Variants in NCOR1 observed in about 807,000 individuals in gnomAD.
NCOR1 encodes nuclear receptor corepressor 1, also known as protein phosphatase 1, regulatory subunit 109.
Under a neutral mutation model 288.1 loss-of-function variants are expected in NCOR1, and 63 were observed. The observed-to-expected ratio is 0.22, with a 90% CI of 0.18 to 0.27. The LOEUF (loss-of-function observed/expected upper bound fraction) is 0.27, where lower values mean the gene tolerates loss of function less well. Among genes scored for constraint, NCOR1 ranks in the 10% least tolerant of loss-of-function variants. The probability of loss-of-function intolerance (pLI) is 1.00; values close to 1 mark genes in which losing one functional copy is unlikely to be tolerated. For synonymous variants in NCOR1, 1,007 were observed against 1,065.9 expected (o/e 0.94, Z 1.08); for missense variants, 2,397 against 3,019.2 (o/e 0.79, Z 4.83).
intron 3 of NCOR1, among the ~76,000 whole-genome samples, chr17:16,176,457 C>G (rs2153481319): frequency 6.6e-6 from 1 of 152,036 alleles, no homozygotes; most frequent in East Asian, 2.0e-4. Flanking sequence ...TTAGTAGAGA[C>G]AGGGTTTCGC....
At chr17:16,158,635 T>C in intron 6 of NCOR1, 125 bp downstream of exon 6, 1 of 543,918 alleles carries the variant, frequency 1.8e-6, no homozygotes. Flanking sequence ...TTTATGAACA[T>C]TCAAAATTGT....
chr17:16,164,296 A>C (rs1487856132), intron 5 of NCOR1, among the ~76,000 whole-genome samples: 1 of 152,018 alleles, frequency 6.6e-6, no homozygotes, highest in Admixed American at 6.6e-5. Context: ...TAGAGTGAAT[A>C]CTGGGCTAAA....
intron 14 of NCOR1, among the ~76,000 whole-genome samples, chr17:16,127,282 C>T (rs556030483): frequency 0.095 from 2,410 of 25,314 alleles, 803 homozygotes; most frequent in African/African-American, 0.14. Flanking sequence ...TGTATATATA[C>T]GTGTATATAT....
At chr17:16,190,322 C>T (rs989675873) in intron 2 of NCOR1, among the ~76,000 whole-genome samples, 4 of 152,078 alleles carry the variant, frequency 2.6e-5, no homozygotes, top group Non-Finnish European at 4.4e-5. Flanking sequence ...ATACCAACCA[C>T]AGACGCTCTC....
At chr17:16,138,264 T>C (rs745720309) in intron 12 of NCOR1, 52 bp from the exon 13 acceptor site, 9 of 1,160,632 alleles carry the variant, frequency 7.8e-6, no homozygotes, top group Non-Finnish European at 1.2e-6. Context: ...TTTCAACAAC[T>C]AAAAAAAAAA....
rs748489091 is a variant in NCOR1, at chr17:16,146,561, C to A, written c.910-13G>T. On this transcript the variant is annotated splice_polypyrimidine_tract_variant and intron_variant, in intron 9 of 45. Coordinates refer to ENST00000268712, the MANE Select transcript of NCOR1 (RefSeq NM_006311.4). ...AGATTTTTTGTTCCTATTAAATATC[C>A]GTAGCAAATTAATAATAATTAAACT... 1.3e-6 allele frequency: 2 copies of A among 1,562,308 alleles called. No homozygotes were observed. Among genetic ancestry groups the A allele is most frequent in the African/African-American group, 1.4e-5 (1 of 72,298 alleles).
chr17:16,195,470 C>CA (rs753774141), intron 1 of NCOR1, among the ~76,000 whole-genome samples: 51 of 115,206 alleles, frequency 4.4e-4, no homozygotes, highest in South Asian at 2.1e-3. Flanking sequence ...GACTCCGTCT[C>CA]AAAAAAAAAA....
In NCOR1 at chr17:16,068,054, T is replaced by C. The variant is rs1419935235; in HGVS notation, c.4581A>G (p.Glu1527=). 4 of 1,614,194 alleles carry C rather than the reference T, an allele frequency of 2.5e-6. No homozygotes were observed. In the South Asian group the frequency reaches 3.3e-5, roughly 13 times the overall value. ...RKSTLTPTQR[E]SIPAKSPVPG... is the part of the protein sequence containing the mutation. ...GCACTGGAGACTTCGCTGGGATACTTTCCCTCTGGGTAGGGGTCAGTGTCG... is the reference window on the plus strand; with the variant it reads ...GCACTGGAGACTTCGCTGGGATACTCTCCCTCTGGGTAGGGGTCAGTGTCG... Residue 1527 remains glutamate, a synonymous_variant, in exon 32 of 46, where the codon GAA becomes GAG. Transcript: ENST00000268712.
At chr17:16,184,417 T>C (rs990951451) in intron 3 of NCOR1, among the ~76,000 whole-genome samples, 6 of 152,204 alleles carry the variant, frequency 3.9e-5, no homozygotes, top group African/African-American at 1.4e-4. Flanking sequence ...TGAATAGACA[T>C]TTCTCAAAAG....
intron 32 of NCOR1, among the ~76,000 whole-genome samples, chr17:16,066,814 A>C (rs2061172872): frequency 6.6e-6 from 1 of 152,216 alleles, no homozygotes; most frequent in Non-Finnish European, 1.5e-5. Flanking sequence ...TTATTATGAA[A>C]TGTAAATAAC....
At chr17:16,114,817 C>T (rs1425607588) in intron 18 of NCOR1, among the ~76,000 whole-genome samples, 5 of 152,170 alleles carry the variant, frequency 3.3e-5, no homozygotes, top group Admixed American at 1.3e-4. Flanking sequence ...CACAGGGTAG[C>T]GTTGAGTGTC....
At position 16,050,174 on chromosome 17, in the gene NCOR1, A is replaced by G. The variant is rs144470268; in HGVS notation, c.6393-1186T>C. ...TGGGCTCAAGCAATCCTCCCACCTC[A>G]GCCTCCAAAAGTAATGGGAATTACA... On this transcript the variant is annotated intron_variant, in intron 40 of 45. Coordinates refer to ENST00000268712, the MANE Select transcript of NCOR1 (RefSeq NM_006311.4). Among the ~76,000 whole-genome samples, 929 of 151,578 alleles carry G rather than the reference A, an allele frequency of 6.1e-3. 7 individuals are homozygous for G. The highest frequency in any genetic ancestry group is 0.022 in the African/African-American group (902 of 41,326).
Position 16,151,946 on chromosome 17 carries a change from G to A in NCOR1, c.842C>T (p.Thr281Ile), listed in dbSNP as rs1446410092. The change falls in exon 8 of 46, where the codon ACA (threonine) becomes ATA (isoleucine). Residue 281 changes from threonine to isoleucine, a missense_variant and splice_region_variant. This residue lies in a region of NCOR1 where 76 missense variants were observed against 102.2 expected (regional missense o/e 0.74). Coordinates refer to ENST00000268712, the MANE Select transcript of NCOR1 (RefSeq NM_006311.4). ...AACTCCAAAGATGATCAATACTTAC[G>A]TCTTGATGTTCTCATGGTACACCTT... ...DTKVYHENIK[T>I]NQVMRKKLIL... The A allele has an allele frequency of 3.1e-6, 5 of 1,595,304 alleles. No homozygotes were observed. The highest frequency in any genetic ancestry group is 1.1e-5 in the South Asian group (1 of 87,964).
At chr17:16,034,665 G>T in intron 45 of NCOR1, 100 bp downstream of exon 45, 1 of 1,087,758 alleles carries the variant, frequency 9.2e-7, no homozygotes, top group Non-Finnish European at 1.3e-6. Flanking sequence ...GGGAATATAG[G>T]TTTCCAAATT....
At chr17:16,095,029 G>A (rs1172897353) in intron 21 of NCOR1, among the ~76,000 whole-genome samples, 6 of 140,548 alleles carry the variant, frequency 4.3e-5, no homozygotes, top group Admixed American at 2.9e-4. Context: ...GCCGCCCACC[G>A]TCTGGGATGT....
chr17:16,195,111 G>A (rs1017878211), intron 1 of NCOR1, among the ~76,000 whole-genome samples: 1 of 152,188 alleles, frequency 6.6e-6, no homozygotes, highest in Non-Finnish European at 1.5e-5. Flanking sequence ...TGTAATCACA[G>A]ATGGTAGGTA....
In NCOR1 at chr17:16,034,904, G is replaced by A. The variant is rs1409742636; in HGVS notation, c.6996C>T (p.Ser2332=). ...CKPKLISKSN[S]RKSKSPIPGQ... ...CAGGTATAGGAGACTTAGATTTCCT[G>A]CTGTTTGACTTGCTGATCAGCTTTG... is the stretch of plus-strand genomic sequence containing the variant. Residue 2332 remains serine (S), a synonymous_variant, in exon 45 of 46, where the codon AGC becomes AGT. Coordinates refer to ENST00000268712, the MANE Select transcript of NCOR1 (RefSeq NM_006311.4). The A allele has an allele frequency of 6.2e-7, 1 of 1,613,962 alleles. No homozygotes were observed. The highest frequency in any genetic ancestry group is 1.3e-5 in the African/African-American group (1 of 74,874).
At chr17:16,186,758 T>C in intron 2 of NCOR1, 71 bp from the exon 3 acceptor site, 1 of 1,457,352 alleles carries the variant, frequency 6.9e-7, no homozygotes. Context: ...AAAGCAAGTA[T>C]AAAGGTAGTT....
intron 17 of NCOR1, 57 bp from the exon 18 acceptor site, chr17:16,118,084 A>G: frequency 3.2e-6 from 5 of 1,542,188 alleles, no homozygotes; most frequent in Non-Finnish European, 4.4e-6. Context: ...CAAGCAAACA[A>G]GAGAAATAAT....
Sources: gnomAD v4.1 joint callset for allele counts (sites outside exome capture counted in the v4.1 genomes callset) on GRCh38, gnomAD v4.1.1 for gene constraint, gnomAD v4.1.1 regional missense constraint, MANE v1.5 for transcripts, NCBI Gene and HGNC (gene_info 2026-07-23, HGNC 2026-07-21) for gene names.